Variants in GAS7 observed in about 807,000 individuals in gnomAD.
GAS7 encodes growth arrest specific 7.
GAS7 carries 28 observed loss-of-function variants against 71.1 expected under a neutral mutation model. That is an observed-to-expected ratio of 0.39 (90% CI 0.29 to 0.54). The LOEUF (loss-of-function observed/expected upper bound fraction) is 0.54, where lower values mean the gene tolerates loss of function less well. Ranked by LOEUF, GAS7 falls within the 20% of genes least tolerant of loss-of-function variation. The pLI is 0.62. For missense variants in GAS7, 436 were observed against 627.8 expected, an observed-to-expected ratio of 0.69 and a Z score of 3.27; for synonymous variants, 258 against 245.8, an observed-to-expected ratio of 1.05 and a Z score of -0.46.
chr17:10,055,088 C>G (rs932295580), intron 1 of GAS7, among the ~76,000 whole-genome samples: 7 of 152,128 alleles, frequency 4.6e-5, no homozygotes, highest in African/African-American at 1.4e-4. Context: ...GATAGAAGAG[C>G]AGGAATTTGG....
chr17:10,044,488 T>C (rs1033118376), intron 1 of GAS7, among the ~76,000 whole-genome samples: 1 of 152,240 alleles, frequency 6.6e-6, no homozygotes, highest in Non-Finnish European at 1.5e-5. Context: ...TGAGTGTTTG[T>C]GTGGGTAAAA....
chr17:10,169,651 A>G (rs1567618547), intron 1 of GAS7, among the ~76,000 whole-genome samples: 1 of 152,062 alleles, frequency 6.6e-6, no homozygotes, highest in Non-Finnish European at 1.5e-5. Context: ...TCTCCTTTAC[A>G]GTTGGCTTGC....
rs141807874 is a variant in GAS7 at position 9,959,003 on chromosome 17, G to A, written c.525+199C>T. 581 of 1,418,876 alleles carry A rather than the reference G, an allele frequency of 4.1e-4. 4 individuals carry two copies. In the African/African-American group the frequency reaches 7.3e-3, roughly 18 times the overall value. 87.9% of individuals were successfully genotyped at this position (1,418,876 alleles called of 1,614,324 possible). On this transcript the variant is annotated intron_variant, in intron 5 of 13. Transcript: ENST00000432992. The surrounding 1 kb of genome is among the most constrained non-coding windows in gnomAD (Gnocchi z 5.0). ...TCCACTTGTTCACCAGGAGAGAAGT[G>A]AAATGTGAAATTGACAGGAGAAGGG...
chr17:10,088,464 G>A (rs1246188577), intron 1 of GAS7, among the ~76,000 whole-genome samples: 1 of 151,912 alleles, frequency 6.6e-6, no homozygotes, highest in Non-Finnish European at 1.5e-5. Context: ...CAGGAAAAGG[G>A]GACTCGAGCA....
chr17:10,198,566 G>A lies in GAS7; in HGVS notation c.-176C>T, dbSNP rs918760223. On this transcript the variant is annotated 5_prime_UTR_variant, in exon 1 of 14. Transcript: ENST00000432992. ...AGGCGGGGGACGCGCGCTCCGCGCC[G>A]GGAAGCAGAGACTCGTTGGCTTCGC... is the stretch of plus-strand genomic sequence containing the variant. 5.1e-6 allele frequency: 2 copies of A among 390,380 alleles called. No homozygotes were observed. The highest frequency in any genetic ancestry group is 2.0e-4 in the South Asian group (2 of 10,112). 24.2% of individuals were successfully genotyped at this position (390,380 alleles called of 1,614,324 possible). A position where few individuals can be genotyped will look rare whatever the true frequency, so the allele number is the denominator to read the frequency against.
chr17:10,073,173 G>T (rs1297342683), intron 1 of GAS7, among the ~76,000 whole-genome samples: 1 of 152,202 alleles, frequency 6.6e-6, no homozygotes, highest in East Asian at 1.9e-4. Flanking sequence ...ACAGATGAGG[G>T]CTTCCCAGGA....
At position 9,926,997 on chromosome 17, in the gene GAS7, A is replaced by G; in HGVS notation, c.886-228T>C. ...GGAGGCCCCCACACACGTCTACAGG[A>G]TAAGTGGTTAGCAACTAGAGCCTTC... is the stretch of plus-strand genomic sequence containing the variant. On this transcript the variant is annotated intron_variant, in intron 9 of 13. Transcript: ENST00000432992. This position sits in a 1 kb window ranked among gnomAD's most constrained non-coding sequence, Gnocchi z 5.0. 1.9e-6 allele frequency: 1 copy of G among 516,022 alleles called. No individual in the cohort carries two copies. The highest frequency in any genetic ancestry group is 3.5e-6 in the Non-Finnish European group (1 of 286,992). 32.0% of individuals were successfully genotyped at this position (516,022 alleles called of 1,614,324 possible).
chr17:10,030,920 T>A (rs2152219184), intron 1 of GAS7, among the ~76,000 whole-genome samples: 1 of 152,304 alleles, frequency 6.6e-6, no homozygotes, highest in South Asian at 2.1e-4. Flanking sequence ...CCCAACCAGG[T>A]TGCAACTCCA....
Position 9,922,669 on chromosome 17 carries a change from T to TA in GAS7, c.1138+2806dup, listed in dbSNP as rs376853810. Among the ~76,000 whole-genome samples the TA allele has an allele frequency of 7.9e-4, 120 of 151,300 alleles. 1 individual carries two copies. Among genetic ancestry groups the TA allele is most frequent in the Non-Finnish European group, 1.5e-3 (99 of 67,760 alleles). On this transcript the variant is annotated intron_variant, in intron 11 of 13. Transcript: ENST00000432992. Reference sequence around the variant, plus strand: ...CTGATGACAATGCAATAAAACTATGTAAAAAAAAATAGCAAGATTAGAAAA... The same window carrying TA: ...CTGATGACAATGCAATAAAACTATGTAAAAAAAAAATAGCAAGATTAGAAAA...
chr17:9,954,743 A>G (rs372699678), intron 5 of GAS7, among the ~76,000 whole-genome samples: 1 of 152,270 alleles, frequency 6.6e-6, no homozygotes, highest in South Asian at 2.1e-4. Flanking sequence ...TCTACAATGC[A>G]CGGGACAGCT....
At chr17:9,953,700 C>T (rs375834559) in intron 5 of GAS7, among the ~76,000 whole-genome samples, 8 of 152,370 alleles carry the variant, frequency 5.3e-5, no homozygotes, top group South Asian at 2.1e-4. Flanking sequence ...CTCAGTGCCA[C>T]GTGCTACGCT....
intron 2 of GAS7, among the ~76,000 whole-genome samples, chr17:10,005,138 C>CGTGCACGCATGCATGCATGTGTGT: frequency 6.7e-6 from 1 of 149,874 alleles, no homozygotes; most frequent in Non-Finnish European, 1.5e-5. Flanking sequence ...AGCATGTGTG[C>CGTGCACGCATGCATGCATGTGTGT]GCGCACGCAT....
At chr17:10,104,997 A>C (rs1370540435) in intron 1 of GAS7, among the ~76,000 whole-genome samples, 1 of 152,204 alleles carries the variant, frequency 6.6e-6, no homozygotes, top group African/African-American at 2.4e-5. Context: ...ACCCTAATTC[A>C]TAAAGCAATA....
At chr17:10,121,242 G>A (rs1485416566) in intron 1 of GAS7, among the ~76,000 whole-genome samples, 3 of 152,106 alleles carry the variant, frequency 2.0e-5, no homozygotes, top group East Asian at 3.9e-4. Flanking sequence ...TTAGCCGGAC[G>A]TGGTGGCATG....
At chr17:9,928,821 C>T (rs572046037) in intron 9 of GAS7, among the ~76,000 whole-genome samples, 1 of 152,312 alleles carries the variant, frequency 6.6e-6, no homozygotes, top group African/African-American at 2.4e-5. Flanking sequence ...TGGGCTGGGG[C>T]TGGGTGGGTG....
chr17:10,192,041 A>T (rs1456768437), intron 1 of GAS7, among the ~76,000 whole-genome samples: 1 of 152,166 alleles, frequency 6.6e-6, no homozygotes, highest in Non-Finnish European at 1.5e-5. Flanking sequence ...GGTAGGGAAG[A>T]CAGAAAACGT....
intron 1 of GAS7, among the ~76,000 whole-genome samples, chr17:10,023,838 T>G (rs1448919536): frequency 6.6e-6 from 1 of 152,154 alleles, no homozygotes; most frequent in Non-Finnish European, 1.5e-5. Context: ...AAAAAAAATT[T>G]TTTGGCTGGG....
At chr17:10,162,815 G>C (rs1342345769) in intron 1 of GAS7, among the ~76,000 whole-genome samples, 1 of 152,124 alleles carries the variant, frequency 6.6e-6, no homozygotes, top group Non-Finnish European at 1.5e-5. Flanking sequence ...AGATAGAAAG[G>C]ACAATGGAGT....
At chr17:10,097,983 G>A (rs965170821) in intron 1 of GAS7, among the ~76,000 whole-genome samples, 1 of 151,286 alleles carries the variant, frequency 6.6e-6, no homozygotes, top group East Asian at 1.9e-4. Flanking sequence ...GGCAGAGGTC[G>A]CAATGAGCCA....
Sources: gnomAD v4.1 joint callset for allele counts (sites outside exome capture counted in the v4.1 genomes callset) on GRCh38, gnomAD v4.1.1 for gene constraint, Gnocchi (gnomAD v3.1) non-coding constraint, MANE v1.5 for transcripts, NCBI Gene and HGNC (gene_info 2026-07-23, HGNC 2026-07-21) for gene names.